Variants in KCNIP4 observed in about 807,000 individuals in gnomAD.
The protein encoded by KCNIP4 is potassium voltage-gated channel interacting protein 4, also known as Kv channel-interacting protein 4.
A neutral mutation model predicts 34.0 loss-of-function variants in KCNIP4; 12 were observed. That is an observed-to-expected ratio of 0.35 (90% CI 0.23 to 0.57). The LOEUF (loss-of-function observed/expected upper bound fraction) is 0.57. Ranked by LOEUF, KCNIP4 falls within the 20% of genes least tolerant of loss-of-function variation. KCNIP4 has a pLI of 0.83. For missense variants in KCNIP4, 238 were observed against 311.7 expected (o/e 0.76, Z 1.78); for synonymous variants, 124 against 102.2 (o/e 1.21, Z -1.29).
At chr4:21,149,788 A>G (rs1290581763) in intron 1 of KCNIP4, among the ~76,000 whole-genome samples, 1 of 152,174 alleles carries the variant, frequency 6.6e-6, no homozygotes, top group African/African-American at 2.4e-5. Flanking sequence ...GGAAATGAAC[A>G]GGGATCTATG....
At chr4:20,830,617 T>C (rs1009830326) in intron 3 of KCNIP4, among the ~76,000 whole-genome samples, 4 of 152,162 alleles carry the variant, frequency 2.6e-5, no homozygotes, top group African/African-American at 9.7e-5. Flanking sequence ...ATTTTATAAT[T>C]ACTCTGCCAA....
intron 1 of KCNIP4, among the ~76,000 whole-genome samples, chr4:21,517,283 A>T (rs1734845237): frequency 6.6e-6 from 1 of 152,092 alleles, no homozygotes; most frequent in South Asian, 2.1e-4. Flanking sequence ...AATAACCATA[A>T]ACACAGGTAT....
At chr4:21,412,934 G>C (rs181532189) in intron 1 of KCNIP4, among the ~76,000 whole-genome samples, 1 of 152,286 alleles carries the variant, frequency 6.6e-6, no homozygotes, top group East Asian at 1.9e-4. Context: ...TCTGTGTTTA[G>C]ATAGGAGTGA....
chr4:21,443,143 C>G (rs529509327), intron 1 of KCNIP4, among the ~76,000 whole-genome samples: 1 of 152,196 alleles, frequency 6.6e-6, no homozygotes. Flanking sequence ...ACCCCACTCT[C>G]TCTAATCTGT....
intron 1 of KCNIP4, among the ~76,000 whole-genome samples, chr4:20,987,874 G>C (rs1311529978): frequency 2.0e-5 from 3 of 151,230 alleles, no homozygotes; most frequent in Admixed American, 6.6e-5. Context: ...GGTGGTGGGC[G>C]CCTGTAGTCC....
At chr4:21,658,136 C>A (rs1323143677) in intron 1 of KCNIP4, among the ~76,000 whole-genome samples, 7 of 152,072 alleles carry the variant, frequency 4.6e-5, no homozygotes, top group Admixed American at 6.5e-5. Flanking sequence ...CCGCTCCCAG[C>A]CTAAATGTAA....
intron 5 of KCNIP4, among the ~76,000 whole-genome samples, chr4:20,739,909 G>A (rs572730394): frequency 2.8e-4 from 43 of 152,254 alleles, no homozygotes; most frequent in Middle Eastern, 3.4e-3. Context: ...ATGACCTGAC[G>A]GAGCTGAAAA....
chr4:21,638,509 A>C (rs998342359), intron 1 of KCNIP4, among the ~76,000 whole-genome samples: 3 of 152,178 alleles, frequency 2.0e-5, no homozygotes, highest in African/African-American at 7.2e-5. Context: ...GTTTTTTATC[A>C]TAGTGGTGGG....
intron 1 of KCNIP4, among the ~76,000 whole-genome samples, chr4:21,778,531 T>C (rs556636254): frequency 2.6e-5 from 4 of 152,268 alleles, no homozygotes; most frequent in African/African-American, 4.8e-5. Flanking sequence ...GCTGGGTGTA[T>C]ATATTTTTTG....
intron 2 of KCNIP4, among the ~76,000 whole-genome samples, chr4:20,875,581 C>T (rs1031817233): frequency 5.3e-5 from 8 of 152,130 alleles, no homozygotes; most frequent in Non-Finnish European, 7.4e-5. Flanking sequence ...TTAAGAAATA[C>T]GTAAATATTA....
At position 21,004,018 on chromosome 4, in the gene KCNIP4, A is replaced by T. The variant is rs1738352576; in HGVS notation, c.62-121309T>A. ...GAGGTTATGAAGGACTGAATATGTC[A>T]TCCCAAGGCATTTGATGTTCATAAG... On this transcript the variant is annotated intron_variant, in intron 1 of 8. Coordinates refer to ENST00000382152, the MANE Select transcript of KCNIP4 (RefSeq NM_025221.6). Among the ~76,000 whole-genome samples, 3 of 152,222 alleles carry T rather than the reference A, an allele frequency of 2.0e-5. No individual in the cohort carries two copies. In the South Asian group the frequency reaches 6.2e-4, roughly 31 times the overall value.
intron 1 of KCNIP4, among the ~76,000 whole-genome samples, chr4:20,947,720 C>A (rs974042212): frequency 6.6e-6 from 1 of 152,218 alleles, no homozygotes; most frequent in Admixed American, 6.5e-5. Flanking sequence ...ATAACAACAA[C>A]AACAACAGTC....
intron 1 of KCNIP4, among the ~76,000 whole-genome samples, chr4:21,599,506 C>T (rs1742926641): frequency 6.6e-6 from 1 of 151,962 alleles, no homozygotes; most frequent in African/African-American, 2.4e-5. Context: ...ATAGGTGCCA[C>T]AGACTGTGTT....
At chr4:21,390,860 C>T (rs1386005209) in intron 1 of KCNIP4, among the ~76,000 whole-genome samples, 2 of 151,992 alleles carry the variant, frequency 1.3e-5, no homozygotes. Flanking sequence ...TACAGTAATG[C>T]TATGTTTAAT....
intron 1 of KCNIP4, among the ~76,000 whole-genome samples, chr4:21,705,008 C>T (rs1713155895): frequency 6.6e-6 from 1 of 152,032 alleles, no homozygotes; most frequent in Admixed American, 6.6e-5. Context: ...TTGTATATGT[C>T]CAAACCATGT....
At position 21,840,390 on chromosome 4, in the gene KCNIP4, C is replaced by T. The variant is rs145432669; in HGVS notation, c.61+108181G>A. ...TTACAAATGCCTTTTATTTTATGTG[C>T]AGAACAGCTGTTTCTCTTCTGTTGT... On this transcript the variant is annotated intron_variant, in intron 1 of 8. Coordinates refer to ENST00000382152, the MANE Select transcript of KCNIP4 (RefSeq NM_025221.6). Among the ~76,000 whole-genome samples, 138 of 152,134 alleles carry T rather than the reference C, an allele frequency of 9.1e-4. 3 individuals are homozygous for T. In the East Asian group the frequency reaches 0.02, roughly 22 times the overall value.
chr4:20,954,711 CT>C (rs1375369676), intron 1 of KCNIP4, among the ~76,000 whole-genome samples: 2 of 152,276 alleles, frequency 1.3e-5, no homozygotes, highest in East Asian at 3.9e-4. Context: ...GGGCTTTATC[CT>C]TCTGGGCCCA....
chr4:20,735,962 A>T (rs976008368), intron 5 of KCNIP4, among the ~76,000 whole-genome samples: 1 of 152,156 alleles, frequency 6.6e-6, no homozygotes, highest in South Asian at 2.1e-4. Context: ...TTTGCATTAT[A>T]TCTCCCTTTC....
intron 1 of KCNIP4, among the ~76,000 whole-genome samples, chr4:21,257,965 C>T (rs554636598): frequency 3.9e-5 from 6 of 152,246 alleles, no homozygotes; most frequent in African/African-American, 1.4e-4. Flanking sequence ...TCTTGCCTCT[C>T]ATCAAATCTC....
Sources: allele counts gnomAD v4.1 joint callset (sites outside exome capture counted in the v4.1 genomes callset), GRCh38; gene constraint gnomAD v4.1.1; transcripts MANE v1.5; gene names NCBI Gene and HGNC (gene_info 2026-07-23, HGNC 2026-07-21).